Variants in ESRRG observed in about 807,000 individuals in gnomAD.
ESRRG encodes estrogen related receptor gamma, also known as estrogen-related receptor gamma.
ESRRG carries 13 observed loss-of-function variants against 44.0 expected under a neutral mutation model. The ratio of observed to expected loss-of-function variants is 0.30; its 90% CI spans 0.19 to 0.47. ESRRG has a LOEUF of 0.47. ESRRG is among the 20% of genes least tolerant of loss of function. ESRRG has a pLI of 1.00. For synonymous variants in ESRRG, 215 were observed against 214.6 expected, an observed-to-expected ratio of 1.00 and a Z score of -0.02; for missense variants, 395 against 580.6, an observed-to-expected ratio of 0.68 and a Z score of 3.29.
At chr1:216,945,794 T>C (rs541777533) in intron 1 of ESRRG, among the ~76,000 whole-genome samples, 183 of 152,372 alleles carry the variant, frequency 1.2e-3, no homozygotes, top group African/African-American at 4.0e-3. Context: ...TTGGCTGCTG[T>C]ATTTCAGTCC....
chr1:217,104,103 C>T (rs1342288799), intron 1 of ESRRG, among the ~76,000 whole-genome samples: 6 of 152,164 alleles, frequency 3.9e-5, no homozygotes. Context: ...GTTGCTCTTC[C>T]CTCAGCACCT....
intron 3 of ESRRG, among the ~76,000 whole-genome samples, chr1:216,627,579 AG>A (rs1328303597): frequency 6.6e-6 from 1 of 152,190 alleles, no homozygotes; most frequent in African/African-American, 2.4e-5. Context: ...TTGATAGATA[AG>A]TTAAGTATCA....
chr1:217,029,304 T>C (rs1021867625), intron 1 of ESRRG, among the ~76,000 whole-genome samples: 3 of 152,022 alleles, frequency 2.0e-5, no homozygotes, highest in Admixed American at 1.3e-4. Context: ...AAGTAGTCCA[T>C]GAAAAATTCC....
At chr1:216,659,815 T>C (rs1015920868) in intron 2 of ESRRG, among the ~76,000 whole-genome samples, 8 of 152,158 alleles carry the variant, frequency 5.3e-5, no homozygotes, top group African/African-American at 1.9e-4. Context: ...TTATTATATG[T>C]ATCTGTGGAA....
chr1:216,786,499 A>G (rs921648302), intron 2 of ESRRG, among the ~76,000 whole-genome samples: 3 of 152,160 alleles, frequency 2.0e-5, no homozygotes, highest in African/African-American at 7.2e-5. Context: ...TGCTGCCCTC[A>G]TGGAGCAAAC....
chr1:216,564,090 G>C, intron 5 of ESRRG, 129 bp downstream of exon 5: 1 of 500,548 alleles, frequency 2.0e-6, no homozygotes, highest in Non-Finnish European at 3.5e-6. Context: ...TCTAAATTAT[G>C]ATTAAAAATA....
At position 216,507,101 on chromosome 1, in the gene ESRRG, G is replaced by C; in HGVS notation, c.1215C>G (p.Gly405=). The C allele has an allele frequency of 6.2e-7, 1 of 1,613,938 alleles. No individual in the cohort carries two copies. The change falls in exon 7 of 7, where the codon GGC becomes GGG. Residue 405 remains glycine (G), a synonymous_variant. Transcript: ENST00000408911. ...LHEALQDYEA[G]QHMEDPRRAG... ...CTCGACGAGGGTCTTCCATGTGCTG[G>C]CCAGCTTCATAATCCTGCAGCGCTT... is the stretch of plus-strand genomic sequence containing the variant.
intron 2 of ESRRG, among the ~76,000 whole-genome samples, chr1:216,847,232 T>C (rs7529226): frequency 0.034 from 5,098 of 152,114 alleles, 298 homozygotes; most frequent in African/African-American, 0.11. Flanking sequence ...TGTGAGGGTA[T>C]AAATGACCCC....
At chr1:216,896,134 T>G (rs2058386913) in intron 2 of ESRRG, among the ~76,000 whole-genome samples, 1 of 152,126 alleles carries the variant, frequency 6.6e-6, no homozygotes, top group African/African-American at 2.4e-5. Flanking sequence ...TATGCAAACC[T>G]TTACTCATAT....
chr1:216,788,056 A>AAATT (rs2094191705), intron 2 of ESRRG, among the ~76,000 whole-genome samples: 1 of 152,170 alleles, frequency 6.6e-6, no homozygotes, highest in Non-Finnish European at 1.5e-5. Context: ...CAAAGAAAGA[A>AAATT]GTCATCACCA....
At chr1:216,910,943 C>T (rs17633169) in intron 2 of ESRRG, among the ~76,000 whole-genome samples, 105 of 152,248 alleles carry the variant, frequency 6.9e-4, no homozygotes, top group Non-Finnish European at 1.1e-3. Context: ...TCAACATAAA[C>T]GTTAGGTCCA....
chr1:216,560,471 AT>A (rs2058505441), intron 5 of ESRRG, among the ~76,000 whole-genome samples: 1 of 152,218 alleles, frequency 6.6e-6, no homozygotes, highest in Non-Finnish European at 1.5e-5. Flanking sequence ...ATCCATAAAT[AT>A]GTTTAAGCCA....
intron 2 of ESRRG, among the ~76,000 whole-genome samples, chr1:216,799,858 C>A (rs934104447): frequency 6.6e-6 from 1 of 152,064 alleles, no homozygotes; most frequent in Non-Finnish European, 1.5e-5. Context: ...ATGATAGATG[C>A]ACATGTCTCA....
At chr1:216,850,771 T>G in intron 2 of ESRRG, among the ~76,000 whole-genome samples, 1 of 152,060 alleles carries the variant, frequency 6.6e-6, no homozygotes, top group East Asian at 1.9e-4. Flanking sequence ...ATAAGATTGA[T>G]GATATTGATC....
In ESRRG at chr1:217,004,638, T is replaced by C. The variant is rs570876568; in HGVS notation, c.-105-64965A>G. Reference sequence around the variant, plus strand: ...TACCCAACCCAAGGTTCCCCCCAAATATGGTAAGCCATGGGCATATAATCT... The same window carrying C: ...TACCCAACCCAAGGTTCCCCCCAAACATGGTAAGCCATGGGCATATAATCT... On this transcript the variant is annotated intron_variant, in intron 1 of 7. Transcript: ENST00000359162. Among the ~76,000 whole-genome samples, 20 of 152,226 alleles carry C rather than the reference T, an allele frequency of 1.3e-4. No homozygotes were observed. In the South Asian group the frequency reaches 3.7e-3, roughly 28 times the overall value.
At chr1:217,048,986 C>T (rs2085399487) in intron 1 of ESRRG, among the ~76,000 whole-genome samples, 1 of 152,142 alleles carries the variant, frequency 6.6e-6, no homozygotes, top group Non-Finnish European at 1.5e-5. Flanking sequence ...GCTAACAAGC[C>T]CTTCATAATC....
intron 2 of ESRRG, among the ~76,000 whole-genome samples, chr1:216,661,379 TAAAC>T (rs1238580729): frequency 6.6e-6 from 1 of 152,206 alleles, no homozygotes; most frequent in Admixed American, 6.5e-5. Context: ...CTGTGAATTT[TAAAC>T]AACCTTGATG....
At chr1:216,610,830 A>G (rs2060549928) in intron 3 of ESRRG, among the ~76,000 whole-genome samples, 1 of 152,190 alleles carries the variant, frequency 6.6e-6, no homozygotes, top group African/African-American at 2.4e-5. Flanking sequence ...CCTGTGAGAA[A>G]AAAGGAAAGG....
At chr1:216,614,920 T>C (rs1264237627) in intron 3 of ESRRG, among the ~76,000 whole-genome samples, 1 of 152,182 alleles carries the variant, frequency 6.6e-6, no homozygotes, top group Non-Finnish European at 1.5e-5. Context: ...AATGGAGAAA[T>C]GCACAATAGA....
Sources: allele counts gnomAD v4.1 joint callset (sites outside exome capture counted in the v4.1 genomes callset), GRCh38; gene constraint gnomAD v4.1.1; transcripts MANE v1.5; gene names NCBI Gene and HGNC (gene_info 2026-07-23, HGNC 2026-07-21).